Variants in PSKH1 observed in about 807,000 individuals in gnomAD.
The protein encoded by PSKH1 is serine/threonine-protein kinase H1.
A neutral mutation model predicts 26.7 loss-of-function variants in PSKH1; 12 were observed. The observed-to-expected ratio is 0.45, with a 90% CI of 0.29 to 0.73. The LOEUF (loss-of-function observed/expected upper bound fraction) is 0.73. PSKH1 is among the 30% of genes least tolerant of loss of function. PSKH1 has a pLI of 0.11. For missense variants in PSKH1, 431 were observed against 595.2 expected (o/e 0.72, Z 2.87); for synonymous variants, 213 against 234.3 (o/e 0.91, Z 0.83).
At chr16:67,912,106 AT>A (rs1409473684) in intron 2 of PSKH1, among the ~76,000 whole-genome samples, 2 of 152,226 alleles carry the variant, frequency 1.3e-5, no homozygotes, top group Non-Finnish European at 2.9e-5. Context: ...GCCCACTGTC[AT>A]TCTCAGATTT....
At chr16:67,924,700 G>C (rs2058211521) in intron 2 of PSKH1, among the ~76,000 whole-genome samples, 1 of 152,216 alleles carries the variant, frequency 6.6e-6, no homozygotes, top group African/African-American at 2.4e-5. Flanking sequence ...TCTTGGGGCT[G>C]TTCCAGCAAC....
intron 2 of PSKH1, among the ~76,000 whole-genome samples, chr16:67,913,170 G>A (rs1352611311): frequency 1.3e-5 from 2 of 151,978 alleles, no homozygotes; most frequent in Non-Finnish European, 1.5e-5. Flanking sequence ...GTGTGAAGAC[G>A]GAGTCTTGCC....
chr16:67,904,984 G>T (rs542057074), intron 1 of PSKH1, among the ~76,000 whole-genome samples: 1 of 151,772 alleles, frequency 6.6e-6, no homozygotes, highest in African/African-American at 2.4e-5. Context: ...CCACCACCAC[G>T]TCCGGCTAAT....
intron 1 of PSKH1, among the ~76,000 whole-genome samples, chr16:67,894,786 GCTAGGAT>G (rs146751222): frequency 0.03 from 4,506 of 152,252 alleles, 92 homozygotes; most frequent in Middle Eastern, 0.16. Flanking sequence ...ACCTATCAGG[GCTAGGAT>G]CTAAGATGAG....
In PSKH1 at chr16:67,927,138, C is replaced by T. The variant is rs2058219237; in HGVS notation, c.958-187C>T. Among the ~76,000 whole-genome samples, 1 of 152,210 alleles carries T rather than the reference C, an allele frequency of 6.6e-6. No homozygotes were observed. Among genetic ancestry groups the T allele is most frequent in the African/African-American group, 2.4e-5 (1 of 41,444 alleles). ...ACAGGTCCTTTCCTTCCTTGCCAGA[C>T]TCCATCACCTGGAGAGCAGCCCTTG... On this transcript the variant is annotated intron_variant, in intron 2 of 2. Coordinates refer to ENST00000291041, the MANE Select transcript of PSKH1 (RefSeq NM_006742.3). This position sits in a 1 kb window ranked among gnomAD's most constrained non-coding sequence, Gnocchi z 5.5.
chr16:67,913,205 G>A (rs2058177983), intron 2 of PSKH1, among the ~76,000 whole-genome samples: 1 of 152,008 alleles, frequency 6.6e-6, no homozygotes, highest in Non-Finnish European at 1.5e-5. Flanking sequence ...GGAGTGCAGG[G>A]GTGCGATCTT....
Position 67,927,955 on chromosome 16 carries a change from T to C in PSKH1, c.*313T>C, listed in dbSNP as rs1479042537. The C allele has an allele frequency of 1.5e-5, 6 of 404,204 alleles. No individual in the cohort carries two copies. The highest frequency in any genetic ancestry group is 1.2e-4 in the Admixed American group (3 of 24,338). 25.0% of individuals were successfully genotyped at this position (404,204 alleles called of 1,614,324 possible). A position where few individuals can be genotyped will look rare whatever the true frequency, so the allele number is the denominator to read the frequency against. On this transcript the variant is annotated 3_prime_UTR_variant, in exon 3 of 3. Transcript: ENST00000291041. The surrounding 1 kb of genome is among the most constrained non-coding windows in gnomAD (Gnocchi z 5.5). Reference sequence around the variant, plus strand: ...AAGGGATAGGACCTGGCCTTCACTGTCTCCCTTGCCCTTTGACTTTTCCCC... The same window carrying C: ...AAGGGATAGGACCTGGCCTTCACTGCCTCCCTTGCCCTTTGACTTTTCCCC...
In PSKH1 at chr16:67,927,692, G is replaced by A. The variant is rs530527931; in HGVS notation, c.*50G>A. The A allele has an allele frequency of 7.8e-5, 120 of 1,543,092 alleles. 2 individuals carry two copies. The South Asian group carries it at 1.2e-3, about 15-fold the overall frequency. On this transcript the variant is annotated 3_prime_UTR_variant, in exon 3 of 3. Coordinates refer to ENST00000291041, the MANE Select transcript of PSKH1 (RefSeq NM_006742.3). This position sits in a 1 kb window ranked among gnomAD's most constrained non-coding sequence, Gnocchi z 5.5. ...GCACGACCCAGCCTGGCCACACACTGTGGTGCCATCTGGGTCCGATGCCCT... is the reference window on the plus strand; with the variant it reads ...GCACGACCCAGCCTGGCCACACACTATGGTGCCATCTGGGTCCGATGCCCT...
At chr16:67,926,579 G>A (rs909244320) in intron 2 of PSKH1, among the ~76,000 whole-genome samples, 1 of 152,168 alleles carries the variant, frequency 6.6e-6, no homozygotes, top group Non-Finnish European at 1.5e-5. Flanking sequence ...GGGCTGAGAT[G>A]AGGCAGCCCG....
intron 1 of PSKH1, among the ~76,000 whole-genome samples, chr16:67,903,379 T>A (rs1411342136): frequency 6.6e-6 from 1 of 152,048 alleles, no homozygotes; most frequent in Admixed American, 6.6e-5. Flanking sequence ...CTTGAACTCC[T>A]GGACTCAAGT....
intron 1 of PSKH1, among the ~76,000 whole-genome samples, chr16:67,898,941 A>G (rs2058134139): frequency 6.6e-6 from 1 of 152,184 alleles, no homozygotes; most frequent in South Asian, 2.1e-4. Flanking sequence ...TTTTCAAAAC[A>G]TGTCAGTAGA....
At chr16:67,917,047 C>T (rs1015772051) in intron 2 of PSKH1, among the ~76,000 whole-genome samples, 2 of 152,236 alleles carry the variant, frequency 1.3e-5, no homozygotes, top group African/African-American at 2.4e-5. Flanking sequence ...CTCCCAGTAT[C>T]GGTCTTAGTT....
chr16:67,909,236 G>A lies in PSKH1; in HGVS notation c.487G>A (p.Glu163Lys), dbSNP rs2058166240. Reference sequence around the variant, plus strand: ...CATCATCCAGCTGGTGGAGGTGTTCGAGACACAGGAGCGGGTGTACATGGT... The same window carrying A: ...CATCATCCAGCTGGTGGAGGTGTTCAAGACACAGGAGCGGGTGTACATGGT... ...ANIIQLVEVFETQERVYMVME... is the reference protein window; with the variant it reads ...ANIIQLVEVFKTQERVYMVME... The change falls in exon 2 of 3, where the codon GAG (glutamate) becomes AAG (lysine). Residue 163 changes from glutamate (E) to lysine (K), a missense_variant. Coordinates refer to ENST00000291041, the MANE Select transcript of PSKH1 (RefSeq NM_006742.3). This position sits in a 1 kb window ranked among gnomAD's most constrained non-coding sequence, Gnocchi z 7.8. The A allele has an allele frequency of 1.9e-6, 3 of 1,613,972 alleles. No homozygotes were observed. The highest frequency in any genetic ancestry group is 1.7e-5 in the Admixed American group (1 of 59,984).
intron 1 of PSKH1, among the ~76,000 whole-genome samples, chr16:67,899,456 C>T (rs2074568751): frequency 6.6e-6 from 1 of 150,782 alleles, no homozygotes; most frequent in South Asian, 2.1e-4. Flanking sequence ...CTGCCTCAGC[C>T]TCCTGAGTAG....
intron 1 of PSKH1, among the ~76,000 whole-genome samples, chr16:67,899,096 G>A (rs892580069): frequency 2.0e-5 from 3 of 152,084 alleles, no homozygotes; most frequent in African/African-American, 7.2e-5. Flanking sequence ...TCCCTGCCCC[G>A]GGACCCCTAG....
chr16:67,925,302 T>C (rs2058213046), intron 2 of PSKH1, among the ~76,000 whole-genome samples: 1 of 151,954 alleles, frequency 6.6e-6, no homozygotes, highest in Non-Finnish European at 1.5e-5. Context: ...TTCAAGCAAT[T>C]CTCCTGCCTC....
chr16:67,903,553 C>T (rs543704525), intron 1 of PSKH1, among the ~76,000 whole-genome samples: 4 of 151,346 alleles, frequency 2.6e-5, no homozygotes, highest in Non-Finnish European at 4.4e-5. Context: ...CTGCAACCTC[C>T]GCCTCCCAGG....
chr16:67,923,797 C>T (rs2058209467), intron 2 of PSKH1, among the ~76,000 whole-genome samples: 1 of 152,198 alleles, frequency 6.6e-6, no homozygotes, highest in South Asian at 2.1e-4. Flanking sequence ...GACTGAAGAG[C>T]ATGACTATTC....
intron 2 of PSKH1, among the ~76,000 whole-genome samples, chr16:67,924,363 T>G (rs2058210694): frequency 6.6e-6 from 1 of 152,172 alleles, no homozygotes; most frequent in Non-Finnish European, 1.5e-5. Context: ...CTGGCTCGCT[T>G]TGGCACTAAC....
Sources: allele counts gnomAD v4.1 joint callset (sites outside exome capture counted in the v4.1 genomes callset), GRCh38; gene constraint gnomAD v4.1.1; non-coding constraint Gnocchi (gnomAD v3.1); transcripts MANE v1.5; gene names NCBI Gene and HGNC (gene_info 2026-07-23, HGNC 2026-07-21).